Variants in DDAH1 observed in about 807,000 individuals in gnomAD.
DDAH1 encodes the protein dimethylarginine dimethylaminohydrolase 1.
A neutral mutation model predicts 28.8 loss-of-function variants in DDAH1; 19 were observed. The observed-to-expected ratio is 0.66, with a 90% CI of 0.46 to 0.97. The LOEUF (loss-of-function observed/expected upper bound fraction) is 0.97, where lower values mean the gene tolerates loss of function less well. DDAH1 is among the 50% of genes least tolerant of loss of function. The probability of loss-of-function intolerance (pLI) is 0.00; values close to 1 mark genes in which losing one functional copy is unlikely to be tolerated. For synonymous variants in DDAH1, 153 were observed against 154.4 expected, an observed-to-expected ratio of 0.99 and a Z score of 0.07; for missense variants, 326 against 375.9, an observed-to-expected ratio of 0.87 and a Z score of 1.10.
intron 1 of DDAH1, among the ~76,000 whole-genome samples, chr1:85,564,912 C>T (rs6576775): frequency 0.89 from 134,712 of 151,746 alleles, 59,884 homozygotes; most frequent in South Asian, 0.96. Flanking sequence ...AAAGATACAT[C>T]GTGGCCAGGC....
At chr1:85,456,976 G>A (rs554945788) in intron 1 of DDAH1, among the ~76,000 whole-genome samples, 1 of 152,260 alleles carries the variant, frequency 6.6e-6, no homozygotes, top group East Asian at 1.9e-4. Context: ...CCCAAACTGT[G>A]CCAGTCAGGA....
chr1:85,417,054 T>C (rs1162453018), intron 1 of DDAH1, among the ~76,000 whole-genome samples: 1 of 152,224 alleles, frequency 6.6e-6, no homozygotes, highest in Non-Finnish European at 1.5e-5. Flanking sequence ...AAGACAACAC[T>C]AGATTTTACT....
At chr1:85,327,027 A>G (rs960391882) in intron 4 of DDAH1, among the ~76,000 whole-genome samples, 9 of 152,376 alleles carry the variant, frequency 5.9e-5, no homozygotes, top group East Asian at 1.9e-4. Context: ...ACGAATTGCA[A>G]TTTAGTTCTT....
At chr1:85,389,538 TACTC>T (rs1325340416) in intron 1 of DDAH1, among the ~76,000 whole-genome samples, 3 of 152,188 alleles carry the variant, frequency 2.0e-5, no homozygotes, top group Admixed American at 2.0e-4. Flanking sequence ...CTCAATGCTT[TACTC>T]ACTTAGTTGA....
At chr1:85,567,186 C>T (rs1466093113) in intron 1 of DDAH1, among the ~76,000 whole-genome samples, 4 of 152,194 alleles carry the variant, frequency 2.6e-5, no homozygotes, top group African/African-American at 9.7e-5. Flanking sequence ...CACACAGACA[C>T]ACTCAGAATG....
intron 1 of DDAH1, among the ~76,000 whole-genome samples, chr1:85,527,312 G>C (rs1657906353): frequency 6.7e-6 from 1 of 150,016 alleles, no homozygotes; most frequent in East Asian, 1.9e-4. Context: ...CCAGCGAAAG[G>C]CTTGTGCAGC....
At chr1:85,540,413 A>T (rs961129726) in intron 1 of DDAH1, among the ~76,000 whole-genome samples, 7 of 152,122 alleles carry the variant, frequency 4.6e-5, no homozygotes, top group Non-Finnish European at 8.8e-5. Context: ...CTCCTTTGTT[A>T]ACTCTTTCCT....
intron 4 of DDAH1, among the ~76,000 whole-genome samples, chr1:85,326,186 G>A (rs920289237): frequency 3.9e-5 from 6 of 152,154 alleles, no homozygotes; most frequent in African/African-American, 7.2e-5. Context: ...CTTCTAGTGT[G>A]GAATATGTCA....
chr1:85,339,552 G>A (rs1188198800), intron 4 of DDAH1, among the ~76,000 whole-genome samples: 1 of 152,188 alleles, frequency 6.6e-6, no homozygotes, highest in African/African-American at 2.4e-5. Flanking sequence ...GCAGGGCAAT[G>A]GTAGTGGGAT....
chr1:85,575,264 C>T (rs1477153792), intron 1 of DDAH1, among the ~76,000 whole-genome samples: 1 of 151,880 alleles, frequency 6.6e-6, no homozygotes, highest in Non-Finnish European at 1.5e-5. Flanking sequence ...AAAACAAAAC[C>T]AACAACAAAA....
rs1288131280 is a variant in DDAH1 at position 85,392,741 on chromosome 1, C to T, written c.304-33894G>A. Among the ~76,000 whole-genome samples, 5 of 149,108 alleles carry T rather than the reference C, an allele frequency of 3.4e-5. No homozygotes were observed. In the Admixed American group the frequency reaches 3.4e-4, roughly 10 times the overall value. ...CAGGGAGTCAGAGGTTGCAGTGAGC[C>T]GAGATCGCGCCACTGCACTCCAGCC... is the stretch of plus-strand genomic sequence containing the variant. On this transcript the variant is annotated intron_variant, in intron 1 of 5. Transcript: ENST00000284031.
At position 85,415,327 on chromosome 1, in the gene DDAH1, T is replaced by C. The variant is rs533612891; in HGVS notation, c.303+49416A>G. Among the ~76,000 whole-genome samples the C allele has an allele frequency of 7.2e-5, 11 of 152,324 alleles. No homozygotes were observed. In the East Asian group the frequency reaches 1.7e-3, roughly 24 times the overall value. On this transcript the variant is annotated intron_variant, in intron 1 of 5. Coordinates refer to ENST00000284031, the MANE Select transcript of DDAH1 (RefSeq NM_012137.4). ...ACTGCACCTGGCCAAGCGGCACTTT[T>C]ACCCATTGCTTGTGAGAACATAAAT... is the stretch of plus-strand genomic sequence containing the variant.
chr1:85,556,140 C>A (rs1658962067), intron 1 of DDAH1, among the ~76,000 whole-genome samples: 1 of 151,882 alleles, frequency 6.6e-6, no homozygotes, highest in African/African-American at 2.4e-5. Flanking sequence ...TTCTCCTTTC[C>A]CCTTCCTCCT....
intron 1 of DDAH1, among the ~76,000 whole-genome samples, chr1:85,430,211 A>G (rs1653609881): frequency 6.6e-6 from 1 of 151,986 alleles, no homozygotes; most frequent in Non-Finnish European, 1.5e-5. Flanking sequence ...ATGGTTGTAG[A>G]TGTGTGGTGT....
chr1:85,465,174 C>A, upstream of DDAH1: 1 of 1,143,492 alleles, frequency 8.7e-7, no homozygotes, highest in Non-Finnish European at 1.1e-6. Context: ...CAGAAGGAGC[C>A]CAGCTCGCGC....
At chr1:85,541,059 C>G (rs1048153687) in intron 1 of DDAH1, among the ~76,000 whole-genome samples, 1 of 150,744 alleles carries the variant, frequency 6.6e-6, no homozygotes, top group African/African-American at 2.4e-5. Flanking sequence ...TGGTTTTTCT[C>G]TATTATTCAT....
chr1:85,510,229 A>G (rs983695978), intron 1 of DDAH1, among the ~76,000 whole-genome samples: 2 of 152,224 alleles, frequency 1.3e-5, no homozygotes, highest in African/African-American at 4.8e-5. Flanking sequence ...TCAACCCAGA[A>G]TTTCACATCC....
At chr1:85,504,301 A>T (rs1656929712) in intron 1 of DDAH1, among the ~76,000 whole-genome samples, 1 of 152,196 alleles carries the variant, frequency 6.6e-6, no homozygotes, top group South Asian at 2.1e-4. Flanking sequence ...GGCCTCAAAG[A>T]CCTTTCTGTA....
chr1:85,560,325 G>A (rs1659102897), intron 1 of DDAH1, among the ~76,000 whole-genome samples: 1 of 152,052 alleles, frequency 6.6e-6, no homozygotes, highest in South Asian at 2.1e-4. Context: ...AATGTTCAAA[G>A]AAGTTCCTCT....
Sources: gnomAD v4.1 joint callset for allele counts (sites outside exome capture counted in the v4.1 genomes callset) on GRCh38, gnomAD v4.1.1 for gene constraint, MANE v1.5 for transcripts, NCBI Gene and HGNC (gene_info 2026-07-23, HGNC 2026-07-21) for gene names.